The following TPD52L1 variants were observed in gnomAD, a reference collection of about 807,000 sequenced individuals.
The protein encoded by TPD52L1 is TPD52 like 1, also known as tumor protein D53.
A neutral mutation model predicts 28.7 loss-of-function variants in TPD52L1; 18 were observed. That is an observed-to-expected ratio of 0.63 (90% CI 0.43 to 0.93). TPD52L1 has a LOEUF of 0.93. TPD52L1 is among the 40% of genes least tolerant of loss of function. The probability of loss-of-function intolerance (pLI) is 0.00; values close to 1 mark genes in which losing one functional copy is unlikely to be tolerated. For missense variants in TPD52L1, 203 were observed against 254.8 expected (o/e 0.80, Z 1.39); for synonymous variants, 75 against 88.8 (o/e 0.84, Z 0.88).
intron 3 of TPD52L1, among the ~76,000 whole-genome samples, chr6:125,242,438 C>T (rs904781450): frequency 6.6e-6 from 1 of 151,824 alleles, no homozygotes; most frequent in African/African-American, 2.4e-5. Flanking sequence ...ATTTCTCAGG[C>T]CTGGTAGTAA....
At chr6:125,205,341 T>C (rs1794054919) in intron 1 of TPD52L1, among the ~76,000 whole-genome samples, 1 of 152,156 alleles carries the variant, frequency 6.6e-6, no homozygotes, top group East Asian at 1.9e-4. Flanking sequence ...TTTTCTGTAG[T>C]TAGCCCAGTG....
chr6:125,219,024 G>A (rs1037067768), intron 1 of TPD52L1, among the ~76,000 whole-genome samples: 1 of 152,166 alleles, frequency 6.6e-6, no homozygotes, highest in East Asian at 1.9e-4. Context: ...CCTAAAACCG[G>A]CAGAAACTTC....
rs752179870 is a variant in TPD52L1, at chr6:125,262,933, C to T, written c.586C>T (p.Arg196Trp). ...CCAGAGCTTGGCAGGAGGCTCCCGG[C>T]GGACCAAGGAGGAGGAGCTGCAGTG... is the stretch of plus-strand genomic sequence containing the variant. ...SAQSLAGGSR[R>W]TKEEELQC is the part of the protein sequence containing the mutation. Residue 196 changes from arginine (R) to tryptophan (W), a missense_variant, in exon 7 of 7, where the codon CGG becomes TGG. Transcript: ENST00000534000. 3.4e-5 allele frequency: 55 copies of T among 1,614,052 alleles called. No individual in the cohort carries two copies. Among genetic ancestry groups the T allele is most frequent in the East Asian group, 6.7e-5 (3 of 44,872 alleles).
chr6:125,170,324 C>T (rs182056867), intron 1 of TPD52L1, among the ~76,000 whole-genome samples: 14 of 152,038 alleles, frequency 9.2e-5, no homozygotes, highest in African/African-American at 2.2e-4. Flanking sequence ...AGGTGTGTTA[C>T]AGGAGAGTAA....
At chr6:125,244,780 G>T (rs1019993201) in intron 3 of TPD52L1, among the ~76,000 whole-genome samples, 1 of 152,216 alleles carries the variant, frequency 6.6e-6, no homozygotes, top group African/African-American at 2.4e-5. Context: ...GATGCCTGCC[G>T]TTTGGGGTAG....
At position 125,163,932 on chromosome 6, in the gene TPD52L1, GAAAACAAA is replaced by G. The variant is rs571584052; in HGVS notation, c.19+9964_19+9971del. Among the ~76,000 whole-genome samples the G allele has an allele frequency of 1.5e-4, 21 of 139,858 alleles. No homozygotes were observed. The South Asian group carries it at 4.7e-3, about 31-fold the overall frequency. 91.8% of individuals were successfully genotyped at this position (139,858 alleles called of 152,430 possible). A position where few individuals can be genotyped will look rare whatever the true frequency, so the allele number is the denominator to read the frequency against. ...ACTCTGTCTCAAAAAAAAAAAAAAA[GAAAACAAA>G]AGAAAAAAACCAATAATAATAACAA... On this transcript the variant is annotated intron_variant, in intron 1 of 6. Transcript: ENST00000534000.
At chr6:125,200,413 C>A (rs1170210969) in intron 1 of TPD52L1, among the ~76,000 whole-genome samples, 1 of 152,160 alleles carries the variant, frequency 6.6e-6, no homozygotes, top group African/African-American at 2.4e-5. Context: ...AATAATTTAG[C>A]ATGTCCTAAT....
In TPD52L1 at chr6:125,248,271, T is replaced by G. The variant is rs751287231; in HGVS notation, c.285-11T>G. 13 of 1,610,450 alleles carry G rather than the reference T, an allele frequency of 8.1e-6. No individual in the cohort carries two copies. In the East Asian group the frequency reaches 2.9e-4, roughly 36 times the overall value. The stretch of plus-strand genomic sequence containing the variant: ...TGATATAAAAACCATGTTGTTCTGT[T>G]TTATTTCTAGCTACAAGAAAACACA... On this transcript the variant is annotated splice_polypyrimidine_tract_variant and intron_variant, in intron 3 of 6. Transcript: ENST00000534000.
intron 1 of TPD52L1, among the ~76,000 whole-genome samples, chr6:125,155,145 T>C (rs939833967): frequency 6.6e-6 from 1 of 152,214 alleles, no homozygotes; most frequent in Non-Finnish European, 1.5e-5. Flanking sequence ...TTTTTTCCTC[T>C]ATTATGTAGA....
intron 1 of TPD52L1, 181 bp from the exon 2 acceptor site, chr6:125,219,897 G>A: frequency 1.5e-6 from 1 of 648,470 alleles, no homozygotes; most frequent in Non-Finnish European, 2.8e-6. Context: ...TGGCTTCTTG[G>A]TATTCTTTGC....
At chr6:125,231,932 G>A (rs1795977482) in intron 3 of TPD52L1, among the ~76,000 whole-genome samples, 1 of 152,186 alleles carries the variant, frequency 6.6e-6, no homozygotes, top group African/African-American at 2.4e-5. Flanking sequence ...CTGCAGGACA[G>A]CATCTGACAC....
At position 125,185,958 on chromosome 6, in the gene TPD52L1, A is replaced by G. The variant is rs548729780; in HGVS notation, c.19+31988A>G. Among the ~76,000 whole-genome samples the G allele has an allele frequency of 2.8e-5, 4 of 143,836 alleles. No individual in the cohort carries two copies. In the South Asian group the frequency reaches 8.9e-4, roughly 32 times the overall value. 94.4% of individuals were successfully genotyped at this position (143,836 alleles called of 152,430 possible). On this transcript the variant is annotated intron_variant, in intron 1 of 6. Coordinates refer to ENST00000534000, the MANE Select transcript of TPD52L1 (RefSeq NM_003287.4). ...GCCCCAGCTAGAGTGCAGTGGCATGATCTCGGCTCACTGCAACCTCTGCCT... is the reference window on the plus strand; with the variant it reads ...GCCCCAGCTAGAGTGCAGTGGCATGGTCTCGGCTCACTGCAACCTCTGCCT...
At chr6:125,250,143 C>A (rs533838529) in intron 4 of TPD52L1, among the ~76,000 whole-genome samples, 1 of 152,284 alleles carries the variant, frequency 6.6e-6, no homozygotes, top group Admixed American at 6.5e-5. Flanking sequence ...AAAATTGATT[C>A]TCTTCATACT....
intron 1 of TPD52L1, among the ~76,000 whole-genome samples, chr6:125,162,942 G>A (rs773182837): frequency 5.1e-4 from 77 of 152,126 alleles, no homozygotes; most frequent in African/African-American, 1.8e-3. Context: ...AGGGAACTAC[G>A]AGTCAGAAAA....
intron 1 of TPD52L1, among the ~76,000 whole-genome samples, chr6:125,175,761 C>T (rs1025961523): frequency 3.9e-5 from 6 of 152,194 alleles, no homozygotes; most frequent in African/African-American, 1.4e-4. Context: ...CTGCATTGCT[C>T]ATTCAAACTT....
intron 1 of TPD52L1, among the ~76,000 whole-genome samples, chr6:125,169,678 T>C (rs1211825597): frequency 6.6e-6 from 1 of 152,160 alleles, no homozygotes; most frequent in East Asian, 1.9e-4. Flanking sequence ...GTCCCAGCCT[T>C]CCTTATCTCC....
At chr6:125,250,621 C>T (rs1797207772) in intron 4 of TPD52L1, among the ~76,000 whole-genome samples, 1 of 152,106 alleles carries the variant, frequency 6.6e-6, no homozygotes, top group South Asian at 2.1e-4. Flanking sequence ...TCATAAAGGC[C>T]CTGCTCATTG....
chr6:125,233,214 T>C (rs1212327712), intron 3 of TPD52L1, among the ~76,000 whole-genome samples: 1 of 152,222 alleles, frequency 6.6e-6, no homozygotes, highest in Non-Finnish European at 1.5e-5. Context: ...TTCCATCTTT[T>C]TGAAAGCTTA....
chr6:125,222,371 G>A (rs1192248696), intron 2 of TPD52L1, among the ~76,000 whole-genome samples: 3 of 152,090 alleles, frequency 2.0e-5, no homozygotes, highest in Non-Finnish European at 4.4e-5. Context: ...GATCCTACTG[G>A]GTCTGTTAGC....
Sources: gnomAD v4.1 joint callset for allele counts (sites outside exome capture counted in the v4.1 genomes callset) on GRCh38, gnomAD v4.1.1 for gene constraint, MANE v1.5 for transcripts, NCBI Gene and HGNC (gene_info 2026-07-23, HGNC 2026-07-21) for gene names.